ADAMTS12: variants seen among roughly 807,000 people sequenced by gnomAD.
ADAMTS12 encodes A disintegrin and metalloproteinase with thrombospondin motifs 12.
A neutral mutation model predicts 167.8 loss-of-function variants in ADAMTS12; 118 were observed. The observed-to-expected ratio is 0.70, with a 90% confidence interval of 0.61 to 0.82. The LOEUF (loss-of-function observed/expected upper bound fraction) is 0.82, where lower values mean the gene tolerates loss of function less well. Among genes scored for constraint, ADAMTS12 ranks in the 40% least tolerant of loss-of-function variants. The pLI is 0.00. For synonymous variants in ADAMTS12, 704 were observed against 716.9 expected (o/e 0.98, Z 0.29); for missense variants, 1,916 against 1,998.8 (o/e 0.96, Z 0.79).
intron 3 of ADAMTS12, among the ~76,000 whole-genome samples, chr5:33,716,597 ATTGAG>A (rs766787663): frequency 5.3e-5 from 8 of 152,162 alleles, no homozygotes; most frequent in South Asian, 2.1e-4. Flanking sequence ...TTCTCTCATT[ATTGAG>A]TTAATTAAAA....
At chr5:33,864,844 TA>T (rs1216381522) in intron 2 of ADAMTS12, among the ~76,000 whole-genome samples, 2 of 151,956 alleles carry the variant, frequency 1.3e-5, no homozygotes, top group East Asian at 3.9e-4. Context: ...TGTAGGGGGT[TA>T]GGGGGCTAGG....
intron 2 of ADAMTS12, among the ~76,000 whole-genome samples, chr5:33,758,889 G>A (rs1371815155): frequency 6.6e-6 from 1 of 152,068 alleles, no homozygotes; most frequent in Non-Finnish European, 1.5e-5. Flanking sequence ...TCTCACAACT[G>A]CAAAGTTTGT....
At chr5:33,854,040 T>A (rs1749316072) in intron 2 of ADAMTS12, among the ~76,000 whole-genome samples, 1 of 152,212 alleles carries the variant, frequency 6.6e-6, no homozygotes, top group South Asian at 2.1e-4. Context: ...GGAATTGCCC[T>A]TTATGCAAAA....
rs1211748402 is a variant in ADAMTS12, at chr5:33,766,686, A to G, written c.490-15138T>C. Among the ~76,000 whole-genome samples, 42 of 152,192 alleles carry G rather than the reference A, an allele frequency of 2.8e-4. 1 individual carries two copies. The highest frequency in any genetic ancestry group is 1.5e-5 in the Non-Finnish European group (1 of 68,018). On this transcript the variant is annotated intron_variant, in intron 2 of 23. Coordinates refer to ENST00000504830, the MANE Select transcript of ADAMTS12 (RefSeq NM_030955.4). Reference sequence around the variant, plus strand: ...AAAATTTTAAAAGTGTACTTTTAAAAAAAGGTACAAAGAACTCATTCTTTT... The same window carrying G: ...AAAATTTTAAAAGTGTACTTTTAAAGAAAGGTACAAAGAACTCATTCTTTT...
At chr5:33,780,498 G>T (rs1163417023) in intron 2 of ADAMTS12, among the ~76,000 whole-genome samples, 3 of 152,136 alleles carry the variant, frequency 2.0e-5, no homozygotes, top group Non-Finnish European at 4.4e-5. Flanking sequence ...AAAAACCAGT[G>T]GTGCCTCCTT....
chr5:33,583,094 ATTT>A (rs60789233), intron 18 of ADAMTS12, among the ~76,000 whole-genome samples: 1 of 151,250 alleles, frequency 6.6e-6, no homozygotes, highest in African/African-American at 2.4e-5. Context: ...CATTCTTTCT[ATTT>A]TTTTTTTGTA....
intron 19 of ADAMTS12, among the ~76,000 whole-genome samples, chr5:33,567,450 G>A (rs1327006364): frequency 6.6e-6 from 1 of 152,186 alleles, no homozygotes; most frequent in Non-Finnish European, 1.5e-5. Context: ...CTGCTTATCT[G>A]CCCTTTAGGG....
In ADAMTS12 at chr5:33,702,602, C is replaced by T. The variant is rs550002720; in HGVS notation, c.635-18547G>A. On this transcript the variant is annotated intron_variant, in intron 3 of 23. Transcript: ENST00000504830. ...TGGCTCACCCAGTACAAAAGTGCCC[C>T]ATGAGTGGCAAATGGCACTATATCT... 2.6e-4 allele frequency among the ~76,000 whole-genome samples: 39 copies of T among 152,292 alleles called. No individual in the cohort carries two copies. In the South Asian group the frequency reaches 7.5e-3, roughly 29 times the overall value.
chr5:33,723,189 G>A (rs1356987465), intron 3 of ADAMTS12, among the ~76,000 whole-genome samples: 1 of 152,090 alleles, frequency 6.6e-6, no homozygotes, highest in African/African-American at 2.4e-5. Flanking sequence ...CCATTTTACT[G>A]TCATGTGTTA....
intron 9 of ADAMTS12, among the ~76,000 whole-genome samples, chr5:33,646,414 G>T (rs900021575): frequency 6.6e-6 from 1 of 152,066 alleles, no homozygotes; most frequent in Non-Finnish European, 1.5e-5. Context: ...GGAAGTTGGA[G>T]ACCTTCATAT....
intron 3 of ADAMTS12, among the ~76,000 whole-genome samples, chr5:33,747,335 A>T (rs955455011): frequency 6.6e-6 from 1 of 152,102 alleles, no homozygotes; most frequent in African/African-American, 2.4e-5. Context: ...ACAACAGGAT[A>T]TGTGTGACTT....
intron 7 of ADAMTS12, among the ~76,000 whole-genome samples, chr5:33,652,372 T>A (rs1740895496): frequency 6.6e-6 from 1 of 152,214 alleles, no homozygotes; most frequent in African/African-American, 2.4e-5. Context: ...TGCATCTCTC[T>A]GATAATTAGT....
intron 2 of ADAMTS12, among the ~76,000 whole-genome samples, chr5:33,848,475 A>C (rs1749031441): frequency 6.6e-6 from 1 of 152,226 alleles, no homozygotes; most frequent in Non-Finnish European, 1.5e-5. Flanking sequence ...CAAGATTTTA[A>C]GAAAACTGTC....
chr5:33,812,339 G>C (rs1349105604), intron 2 of ADAMTS12, among the ~76,000 whole-genome samples: 1 of 152,154 alleles, frequency 6.6e-6, no homozygotes, highest in East Asian at 1.9e-4. Context: ...ATGTTGATGG[G>C]AGAATTAGAA....
chr5:33,664,034 T>G (rs1741379009), intron 5 of ADAMTS12, among the ~76,000 whole-genome samples: 2 of 152,134 alleles, frequency 1.3e-5, no homozygotes, highest in Admixed American at 1.3e-4. Context: ...ACATACTGTG[T>G]TAATGGATTT....
chr5:33,697,980 G>A (rs564862558), intron 3 of ADAMTS12, among the ~76,000 whole-genome samples: 18 of 152,320 alleles, frequency 1.2e-4, no homozygotes, highest in Non-Finnish European at 2.2e-4. Flanking sequence ...AATTTTAAGC[G>A]TTATTCCTAA....
chr5:33,588,122 C>A (rs1747447669), intron 18 of ADAMTS12, among the ~76,000 whole-genome samples: 3 of 152,142 alleles, frequency 2.0e-5, no homozygotes, highest in Non-Finnish European at 4.4e-5. Flanking sequence ...ATGTTAGAAA[C>A]CTTGGTCTGG....
chr5:33,528,891 A>G (rs1018148192), intron 23 of ADAMTS12, among the ~76,000 whole-genome samples: 69 of 152,148 alleles, frequency 4.5e-4, no homozygotes, highest in African/African-American at 1.6e-3. Flanking sequence ...CTAAAAATAC[A>G]AAAAGTAGCT....
chr5:33,741,394 G>A lies in ADAMTS12; in HGVS notation c.634+10010C>T, dbSNP rs537540177. Among the ~76,000 whole-genome samples the A allele has an allele frequency of 1.6e-4, 25 of 152,214 alleles. 1 individual carries two copies. The highest frequency in any genetic ancestry group is 6.8e-3 in the Middle Eastern group (2 of 294). ...GGGACTTTCCTCTGGACATGCTTGC[G>A]TCCAGATTTCTTCTTCTTATGAGGG... On this transcript the variant is annotated intron_variant, in intron 3 of 23. Transcript: ENST00000504830.
Sources: gnomAD v4.1 joint callset for allele counts (sites outside exome capture counted in the v4.1 genomes callset) on GRCh38, gnomAD v4.1.1 for gene constraint, MANE v1.5 for transcripts, NCBI Gene and HGNC (gene_info 2026-07-23, HGNC 2026-07-21) for gene names.